The following RP1 variants were observed in gnomAD, a reference collection of about 807,000 sequenced individuals.
RP1 encodes oxygen-regulated protein 1.
In RP1, 16 loss-of-function variants were observed where a neutral mutation model predicts 14.8. The ratio of observed to expected loss-of-function variants is 1.08; its 90% CI spans 0.73 to 1.65. The LOEUF is 1.65. RP1 is among the 40% of genes most tolerant of loss of function. The pLI, the probability that RP1 is intolerant of heterozygous loss-of-function variation, is 0.00. For synonymous variants in RP1, 876 were observed against 883.6 expected, an observed-to-expected ratio of 0.99 and a Z score of 0.15; for missense variants, 2,631 against 2,535.0, an observed-to-expected ratio of 1.04 and a Z score of -0.81.
chr8:54,663,602 G>T, intron 6 of RP1: 1 of 1,237,196 alleles, frequency 8.1e-7, no homozygotes, highest in Non-Finnish European at 1.0e-6. Context: ...GGGGATCTTG[G>T]AACTTTTCCA....
intron 27 of RP1, among the ~76,000 whole-genome samples, chr8:54,858,725 T>TCACTGTACAGCAGTGC (rs1321392475): frequency 6.6e-6 from 1 of 151,866 alleles, no homozygotes; most frequent in Admixed American, 6.6e-5. Flanking sequence ...TGGAGCAGTG[T>TCACTGTACAGCAGTGC]CACTGTACAG....
At chr8:54,712,609 T>C (rs779205415) in intron 15 of RP1, among the ~76,000 whole-genome samples, 1 of 152,206 alleles carries the variant, frequency 6.6e-6, no homozygotes. Flanking sequence ...ACCTTTACTC[T>C]GGTACTTTTA....
chr8:54,587,565 A>G (rs1804960575), intron 1 of RP1, among the ~76,000 whole-genome samples: 1 of 152,232 alleles, frequency 6.6e-6, no homozygotes, highest in African/African-American at 2.4e-5. Context: ...TACAGCTAAG[A>G]AAGGCCAAGG....
chr8:54,763,578 G>T (rs541453071), intron 22 of RP1, among the ~76,000 whole-genome samples: 2 of 152,314 alleles, frequency 1.3e-5, no homozygotes, highest in South Asian at 4.1e-4. Flanking sequence ...TACTCGGGAG[G>T]CTGAGGCAGG....
At chr8:54,770,103 C>T (rs1187650221), downstream of RP1, 3 of 401,610 alleles carry the variant, frequency 7.5e-6, no homozygotes, top group African/African-American at 2.1e-5. Flanking sequence ...ATTAACTGCA[C>T]TTCACTTTTA....
chr8:54,784,255 C>T (rs940221286), intron 24 of RP1, among the ~76,000 whole-genome samples: 1 of 152,034 alleles, frequency 6.6e-6, no homozygotes, highest in Admixed American at 6.6e-5. Context: ...ATCTTTACTT[C>T]GTAGGGTTAG....
chr8:54,862,849 C>T (rs1269079796), intron 27 of RP1, among the ~76,000 whole-genome samples: 3 of 151,956 alleles, frequency 2.0e-5, no homozygotes, highest in East Asian at 1.9e-4. Flanking sequence ...GTGGGCCTCT[C>T]GCATTGCAGA....
rs941790799 is a variant in RP1, at chr8:54,759,143, TG to T, written c.3248+68del. The stretch of plus-strand genomic sequence containing the variant: ...CTGTGGATGATGCTGTGTGTGTGTG[TG>T]TGTGTGTGTGTGTGTGTGTGTGTGT... On this transcript the variant is annotated intron_variant, in intron 22 of 22. Transcript: ENST00000636932. 9 of 1,247,602 alleles carry T rather than the reference TG, an allele frequency of 7.2e-6. No homozygotes were observed. The African/African-American group carries it at 9.4e-5, about 13-fold the overall frequency. The allele number at this position is 1,247,602 out of a possible 1,614,324, so 77.3% of individuals were successfully genotyped here. A position where few individuals can be genotyped will look rare whatever the true frequency, so the allele number is the denominator to read the frequency against.
intron 19 of RP1, among the ~76,000 whole-genome samples, chr8:54,754,505 T>C (rs1182751127): frequency 6.6e-6 from 1 of 152,196 alleles, no homozygotes; most frequent in Non-Finnish European, 1.5e-5. Flanking sequence ...CTCAGCATAA[T>C]ATGTGGCAAA....
At chr8:54,771,839 T>C (rs1446470972), downstream of RP1, among the ~76,000 whole-genome samples, 1 of 152,122 alleles carries the variant, frequency 6.6e-6, no homozygotes, top group Non-Finnish European at 1.5e-5. Context: ...GTCTAATCTA[T>C]TGAGGCAGTG....
intron 24 of RP1, among the ~76,000 whole-genome samples, chr8:54,814,273 G>A (rs552630197): frequency 2.0e-5 from 3 of 151,966 alleles, no homozygotes; most frequent in East Asian, 3.9e-4. Context: ...AAAATGAATG[G>A]GCCCATGAAA....
At chr8:54,564,428 T>A (rs1164621310) in intron 1 of RP1, among the ~76,000 whole-genome samples, 1 of 152,130 alleles carries the variant, frequency 6.6e-6, no homozygotes. Flanking sequence ...TTCCTCTGGA[T>A]AAAACACAGA....
intron 24 of RP1, among the ~76,000 whole-genome samples, chr8:54,795,915 C>G (rs1256391004): frequency 6.6e-6 from 1 of 152,170 alleles, no homozygotes; most frequent in Non-Finnish European, 1.5e-5. Flanking sequence ...TGCAAATCTT[C>G]AAAGTACTAA....
intron 4 of RP1, chr8:54,649,247 C>A: frequency 1.1e-6 from 1 of 920,928 alleles, no homozygotes; most frequent in Non-Finnish European, 1.5e-6. Flanking sequence ...CACCATGTGC[C>A]CTGTAGAAGA....
intron 1 of RP1, among the ~76,000 whole-genome samples, chr8:54,620,549 C>T (rs1805830682): frequency 6.6e-6 from 1 of 152,168 alleles, no homozygotes; most frequent in Non-Finnish European, 1.5e-5. Context: ...TGTACGTATA[C>T]ATTTAAATCA....
intron 1 of RP1, among the ~76,000 whole-genome samples, chr8:54,576,360 C>G (rs1300182362): frequency 6.6e-6 from 1 of 151,528 alleles, no homozygotes; most frequent in Non-Finnish European, 1.5e-5. Context: ...ATGTCAGACT[C>G]TTAACACTGA....
At chr8:54,692,857 A>G (rs547557013) in intron 12 of RP1, among the ~76,000 whole-genome samples, 4 of 152,042 alleles carry the variant, frequency 2.6e-5, no homozygotes, top group South Asian at 4.2e-4. Context: ...TTTTGTTGCC[A>G]TTGCTTTTGG....
At chr8:54,844,833 C>G (rs979316714) in intron 25 of RP1, among the ~76,000 whole-genome samples, 3 of 152,110 alleles carry the variant, frequency 2.0e-5, no homozygotes, top group African/African-American at 7.2e-5. Context: ...ATTGAGAAAT[C>G]TTGGATAGTT....
chr8:54,804,641 A>G (rs959270749), intron 24 of RP1, among the ~76,000 whole-genome samples: 10 of 152,246 alleles, frequency 6.6e-5, no homozygotes, highest in African/African-American at 2.2e-4. Context: ...CATTAAAACC[A>G]AAAAGTATAA....
Sources: allele counts gnomAD v4.1 joint callset (sites outside exome capture counted in the v4.1 genomes callset), GRCh38; gene constraint gnomAD v4.1.1; transcripts MANE v1.5; gene names NCBI Gene and HGNC (gene_info 2026-07-23, HGNC 2026-07-21).